The following IL1RAPL1 variants were observed in gnomAD, a reference collection of about 807,000 sequenced individuals.
IL1RAPL1 encodes the protein interleukin-1 receptor accessory protein-like 1.
IL1RAPL1 carries 3 observed loss-of-function variants against 48.4 expected under a neutral mutation model. That is an observed-to-expected ratio of 0.06 (90% CI 0.03 to 0.16). The LOEUF (loss-of-function observed/expected upper bound fraction) is 0.16. Among genes scored for constraint, IL1RAPL1 ranks in the 10% least tolerant of loss-of-function variants. The probability of loss-of-function intolerance (pLI) is 1.00; values close to 1 mark genes in which losing one functional copy is unlikely to be tolerated. For synonymous variants in IL1RAPL1, 185 were observed against 187.7 expected (o/e 0.99, Z 0.12); for missense variants, 349 against 530.6 (o/e 0.66, Z 3.36).
At position 29,327,276 on chromosome X, in the gene IL1RAPL1, C is replaced by T. The variant is rs12394373; in HGVS notation, c.362+44059C>T. ...AAAGAAATTCAATTTATATTGTTTG[C>T]TGTCAATGAAACATATCACATAACC... On this transcript the variant is annotated intron_variant, in intron 3 of 10. Coordinates refer to ENST00000378993, the MANE Select transcript of IL1RAPL1 (RefSeq NM_014271.4). Among the ~76,000 whole-genome samples the T allele has an allele frequency of 7.1e-3, 780 of 110,473 alleles. 5 individuals are homozygous for T. The highest frequency in any genetic ancestry group is 0.025 in the African/African-American group (755 of 30,420).
At chrX:29,584,033 C>G (rs898787975) in intron 5 of IL1RAPL1, among the ~76,000 whole-genome samples, 1 of 111,380 alleles carries the variant, frequency 9.0e-6, no homozygotes, top group Non-Finnish European at 1.9e-5. Flanking sequence ...TGGCACTGGT[C>G]CCTTGCTTAC....
chrX:29,762,279 A>T (rs1343248069), intron 6 of IL1RAPL1, among the ~76,000 whole-genome samples: 1 of 111,841 alleles, frequency 8.9e-6, no homozygotes, highest in Non-Finnish European at 1.9e-5. Flanking sequence ...AGCAAACAAA[A>T]GTCTCTTTCT....
chrX:29,923,802 G>C (rs7891310), intron 8 of IL1RAPL1, among the ~76,000 whole-genome samples: 25,740 of 110,663 alleles, frequency 0.23, 2,703 homozygotes, highest in African/African-American at 0.41. Context: ...ACAAACAATA[G>C]TCCAGGTAGA....
At chrX:29,625,697 C>T (rs952698170) in intron 5 of IL1RAPL1, among the ~76,000 whole-genome samples, 1 of 111,667 alleles carries the variant, frequency 9.0e-6, no homozygotes, top group Non-Finnish European at 1.9e-5. Context: ...CTTCTAGTTT[C>T]TATATAAAAA....
chrX:29,058,486 T>TATATAC (rs1805546271), intron 2 of IL1RAPL1, among the ~76,000 whole-genome samples: 1 of 112,360 alleles, frequency 8.9e-6, no homozygotes, highest in South Asian at 3.7e-4. Context: ...GCAGTTCCAA[T>TATATAC]ATATACATTT....
At chrX:28,632,067 G>A (rs750224063) in intron 1 of IL1RAPL1, among the ~76,000 whole-genome samples, 249 of 112,295 alleles carry the variant, frequency 2.2e-3, no homozygotes, top group African/African-American at 7.5e-3. Context: ...TCACTTATTA[G>A]CAAATGTATT....
chrX:29,860,674 G>T (rs751052087), intron 6 of IL1RAPL1, among the ~76,000 whole-genome samples: 1 of 111,741 alleles, frequency 8.9e-6, no homozygotes, highest in East Asian at 2.8e-4. Flanking sequence ...CCATGTCCCT[G>T]CAAAGGACAT....
At chrX:28,779,849 A>G (rs1484087457) in intron 1 of IL1RAPL1, among the ~76,000 whole-genome samples, 1 of 108,224 alleles carries the variant, frequency 9.2e-6, no homozygotes. Flanking sequence ...TGACTTTCAT[A>G]AAGATATAAA....
intron 2 of IL1RAPL1, among the ~76,000 whole-genome samples, chrX:29,237,682 T>G (rs1344570969): frequency 2.7e-5 from 3 of 112,070 alleles, no homozygotes; most frequent in Non-Finnish European, 5.6e-5. Flanking sequence ...ACTTCATGTT[T>G]TATGGTTGTT....
intron 1 of IL1RAPL1, among the ~76,000 whole-genome samples, chrX:28,678,279 T>G (rs374989726): frequency 1.8e-5 from 2 of 111,257 alleles, no homozygotes; most frequent in African/African-American, 6.5e-5. Context: ...CACCTTGACT[T>G]TGGCTCGGTA....
intron 2 of IL1RAPL1, among the ~76,000 whole-genome samples, chrX:29,117,165 A>G (rs183689715): frequency 3.6e-5 from 4 of 111,756 alleles, no homozygotes; most frequent in East Asian, 2.8e-4. Flanking sequence ...AGGACTTGAT[A>G]TGGAAATGAA....
intron 2 of IL1RAPL1, among the ~76,000 whole-genome samples, chrX:29,163,687 G>A (rs762607626): frequency 1.6e-3 from 183 of 111,157 alleles, no homozygotes; most frequent in African/African-American, 5.2e-3. Flanking sequence ...GATAACAAAG[G>A]AACACAGGTA....
intron 2 of IL1RAPL1, among the ~76,000 whole-genome samples, chrX:28,801,837 TTTGGTTTCCTTTTTC>T (rs1160532409): frequency 2.7e-5 from 3 of 112,208 alleles, no homozygotes; most frequent in African/African-American, 9.7e-5. Context: ...CTGTCATATC[TTTGGTTTCCTTTTTC>T]ATAAAGTTTT....
At chrX:28,946,927 T>G (rs1486795815) in intron 2 of IL1RAPL1, among the ~76,000 whole-genome samples, 1 of 111,990 alleles carries the variant, frequency 8.9e-6, no homozygotes, top group Admixed American at 9.5e-5. Context: ...TTCTATTATC[T>G]ACTTAACAAA....
chrX:29,298,443 C>T (rs1409989035), intron 3 of IL1RAPL1, among the ~76,000 whole-genome samples: 1 of 111,486 alleles, frequency 9.0e-6, no homozygotes, highest in Non-Finnish European at 1.9e-5. Context: ...ACAGACTGTT[C>T]CGAAAAAAAT....
intron 5 of IL1RAPL1, among the ~76,000 whole-genome samples, chrX:29,648,050 A>G (rs1925391103): frequency 8.9e-6 from 1 of 112,141 alleles, no homozygotes; most frequent in Non-Finnish European, 1.9e-5. Flanking sequence ...ATGAAAAGAG[A>G]CAAAGTCATT....
chrX:29,380,111 C>CTTTT (rs61115437), intron 3 of IL1RAPL1, among the ~76,000 whole-genome samples: 1 of 98,666 alleles, frequency 1.0e-5, no homozygotes, highest in East Asian at 3.1e-4. Context: ...AAAGACCATT[C>CTTTT]TTTTTTTTTT....
chrX:29,632,477 C>T lies in IL1RAPL1; in HGVS notation c.704-35953C>T, dbSNP rs147753015. Among the ~76,000 whole-genome samples, 582 of 111,712 alleles carry T rather than the reference C, an allele frequency of 5.2e-3. 2 individuals are homozygous for T. The highest frequency in any genetic ancestry group is 0.018 in the African/African-American group (546 of 30,729). ...AACTTTCAATAAACTATTTATTTCA[C>T]TGAATTCTAGGCTTCTGAGGGTGTA... On this transcript the variant is annotated intron_variant, in intron 5 of 10. Transcript: ENST00000378993.
chrX:29,245,140 G>A (rs1470908907), intron 2 of IL1RAPL1, among the ~76,000 whole-genome samples: 3 of 111,739 alleles, frequency 2.7e-5, no homozygotes, highest in Non-Finnish European at 3.8e-5. Context: ...ATTCCATGGT[G>A]TATGTGTGCC....
Sources: allele counts gnomAD v4.1 joint callset (sites outside exome capture counted in the v4.1 genomes callset), GRCh38; gene constraint gnomAD v4.1.1; transcripts MANE v1.5; gene names NCBI Gene and HGNC (gene_info 2026-07-23, HGNC 2026-07-21).